Variants in LOXHD1 observed in about 807,000 individuals in gnomAD.
The protein encoded by LOXHD1 is lipoxygenase homology domain-containing protein 1.
In LOXHD1, 205 loss-of-function variants were observed where a neutral mutation model predicts 248.2. The ratio of observed to expected loss-of-function variants is 0.83; its 90% CI spans 0.74 to 0.93. The LOEUF (loss-of-function observed/expected upper bound fraction) is 0.93, where lower values mean the gene tolerates loss of function less well. Ranked by LOEUF, LOXHD1 falls within the 40% of genes least tolerant of loss-of-function variation. The pLI is 0.00. For missense variants in LOXHD1, 2,930 were observed against 2,971.6 expected (o/e 0.99, Z 0.33); for synonymous variants, 1,113 against 1,162.8 (o/e 0.96, Z 0.87).
At position 46,478,334 on chromosome 18, in the gene LOXHD1, C is replaced by T. The variant is rs539324324; in HGVS notation, c.6342-382G>A. 9.2e-5 allele frequency among the ~76,000 whole-genome samples: 14 copies of T among 152,216 alleles called. 1 individual carries two copies. Among genetic ancestry groups the T allele is most frequent in the African/African-American group, 2.6e-4 (11 of 41,534 alleles). ...AAAGTGCTGGGATTACAGGCGTGAG[C>T]CACTGCGCCTGGCCGACCCTATTTT... On this transcript the variant is annotated intron_variant, in intron 40 of 40. Transcript: ENST00000642948.
intron 4 of LOXHD1, among the ~76,000 whole-genome samples, chr18:46,628,908 G>A (rs1167782814): frequency 6.6e-6 from 1 of 152,246 alleles, no homozygotes; most frequent in East Asian, 1.9e-4. Context: ...GCTAGCATAA[G>A]TGGCAGAATG....
chr18:46,577,957 T>C, intron 13 of LOXHD1, 90 bp from the exon 14 acceptor site: 1 of 1,417,486 alleles, frequency 7.1e-7, no homozygotes, highest in Non-Finnish European at 9.7e-7. Flanking sequence ...TATCAGAAAA[T>C]CCAGAGCTGA....
At chr18:46,517,089 G>A (rs1196999808) in intron 34 of LOXHD1, among the ~76,000 whole-genome samples, 1 of 152,190 alleles carries the variant, frequency 6.6e-6, no homozygotes, top group African/African-American at 2.4e-5. Flanking sequence ...GGAGTGCTGT[G>A]TGTTCAGAGG....
chr18:46,566,580 T>C (rs2037647335), intron 16 of LOXHD1, 131 bp from the exon 17 acceptor site: 5 of 806,792 alleles, frequency 6.2e-6, no homozygotes, highest in Middle Eastern at 2.6e-4. Flanking sequence ...GGAAGATCCA[T>C]GGGAAAGCTG....
chr18:46,614,807 C>G (rs1049506220), intron 5 of LOXHD1, among the ~76,000 whole-genome samples: 1 of 151,772 alleles, frequency 6.6e-6, no homozygotes, highest in African/African-American at 2.4e-5. Flanking sequence ...CTTAATTTAT[C>G]AGCCTGATTT....
At position 46,590,102 on chromosome 18, in the gene LOXHD1, A is replaced by G. The variant is rs191534948; in HGVS notation, c.1654+1831T>C. ...GCTGGAGAGCAGCTAGAAAAGTGGC[A>G]AATGCATTAACACAGTGGTTCTCAA... is the stretch of plus-strand genomic sequence containing the variant. On this transcript the variant is annotated intron_variant, in intron 12 of 40. Transcript: ENST00000642948. Among the ~76,000 whole-genome samples, 151 of 152,338 alleles carry G rather than the reference A, an allele frequency of 9.9e-4. 1 individual carries two copies. The highest frequency in any genetic ancestry group is 3.2e-3 in the African/African-American group (133 of 41,566).
chr18:46,560,653 C>G, intron 18 of LOXHD1, 108 bp from the exon 19 acceptor site: 1 of 1,069,814 alleles, frequency 9.3e-7, no homozygotes, highest in Non-Finnish European at 1.3e-6. Context: ...TGCTAAGCTG[C>G]AGGATGGAGA....
rs145080479 is a variant in LOXHD1 at position 46,548,828 on chromosome 18, G to A, written c.3351-1770C>T. Reference sequence around the variant, plus strand: ...ACAGAAAAGGTACAAGCCCTCCCATGCATACAAAGAGAAAATGCACACAGA... The same window carrying A: ...ACAGAAAAGGTACAAGCCCTCCCATACATACAAAGAGAAAATGCACACAGA... On this transcript the variant is annotated intron_variant, in intron 21 of 40. Transcript: ENST00000642948. Among the ~76,000 whole-genome samples, 412 of 152,266 alleles carry A rather than the reference G, an allele frequency of 2.7e-3. 1 individual carries two copies. Among genetic ancestry groups the A allele is most frequent in the African/African-American group, 9.5e-3 (396 of 41,558 alleles).
intron 37 of LOXHD1, among the ~76,000 whole-genome samples, chr18:46,491,836 AC>A (rs1407075803): frequency 6.6e-6 from 1 of 152,210 alleles, no homozygotes; most frequent in Non-Finnish European, 1.5e-5. Flanking sequence ...GATGAAGACA[AC>A]CAGAATAGGA....
intron 16 of LOXHD1, among the ~76,000 whole-genome samples, chr18:46,568,129 T>C (rs2144072881): frequency 6.6e-6 from 1 of 152,268 alleles, no homozygotes; most frequent in Non-Finnish European, 1.5e-5. Flanking sequence ...TGAGTTTTGA[T>C]GGGAGAAGAG....
chr18:46,592,616 C>T (rs1453312214), intron 10 of LOXHD1, 32 bp from the exon 11 acceptor site: 1 of 1,509,974 alleles, frequency 6.6e-7, no homozygotes, highest in South Asian at 1.2e-5. Flanking sequence ...TTTGAGTGGG[C>T]ATAACTGAAG....
At chr18:46,555,193 C>T (rs899118051) in intron 21 of LOXHD1, 1 of 470,674 alleles carries the variant, frequency 2.1e-6, no homozygotes, top group Admixed American at 2.4e-5. Context: ...TTCTGTGGCA[C>T]TTTTTCCTTT....
intron 12 of LOXHD1, 100 bp from the exon 13 acceptor site, chr18:46,579,884 T>C (rs2037931075): frequency 2.2e-6 from 3 of 1,393,698 alleles, no homozygotes; most frequent in Admixed American, 4.6e-5. Flanking sequence ...CCTCTCCTTC[T>C]AGTTCTCATC....
intron 26 of LOXHD1, 30 bp from the exon 27 acceptor site, chr18:46,534,481 T>C (rs2036218236): frequency 2.7e-6 from 4 of 1,505,422 alleles, no homozygotes; most frequent in Non-Finnish European, 1.8e-6. Context: ...CACTGAATGT[T>C]AGCTGAAAGA....
intron 25 of LOXHD1, among the ~76,000 whole-genome samples, chr18:46,538,613 G>A (rs2036424471): frequency 6.6e-6 from 1 of 152,182 alleles, no homozygotes; most frequent in Non-Finnish European, 1.5e-5. Flanking sequence ...CAGACTGGTT[G>A]AAAGCACAGG....
Position 46,592,505 on chromosome 18 carries a change from A to G in LOXHD1, c.1511T>C (p.Leu504Ser). ...DKRSSGSGWHLERMTLMNTLN... is the reference protein window; with the variant it reads ...DKRSSGSGWHSERMTLMNTLN... ...CAAGATGGTGCATCTCACCCTTTCT[A>G]AATGCCATCCAGAACCAGAACTCCT... The change falls in exon 11 of 41, where the codon TTA becomes TCA. Residue 504 changes from leucine to serine, a missense_variant. Transcript: ENST00000642948. 2 of 1,551,298 alleles carry G rather than the reference A, an allele frequency of 1.3e-6. No individual in the cohort carries two copies. Among genetic ancestry groups the G allele is most frequent in the Non-Finnish European group, 1.7e-6 (2 of 1,146,690 alleles).
At chr18:46,516,093 T>C (rs904130650) in intron 34 of LOXHD1, among the ~76,000 whole-genome samples, 1 of 152,234 alleles carries the variant, frequency 6.6e-6, no homozygotes, top group Non-Finnish European at 1.5e-5. Context: ...TGTAGCAAGC[T>C]CTAAGTAGAG....
intron 31 of LOXHD1, 32 bp from the exon 32 acceptor site, chr18:46,522,341 C>G (rs1421745518): frequency 3.3e-6 from 5 of 1,529,948 alleles, no homozygotes; most frequent in Non-Finnish European, 4.4e-6. Context: ...AGGTTCATAA[C>G]AGACCAGATA....
chr18:46,601,267 A>G lies in LOXHD1; in HGVS notation c.1084T>C (p.Ser362Pro). The G allele has an allele frequency of 6.4e-7, 1 of 1,551,736 alleles. No individual in the cohort carries two copies. The highest frequency in any genetic ancestry group is 8.7e-7 in the Non-Finnish European group (1 of 1,147,000). Residue 362 changes from serine to proline, a missense_variant, in exon 8 of 41, where the codon TCC becomes CCC. Ser to Pro is a moderately conservative substitution (Grantham distance 74). Transcript: ENST00000642948. Reference protein sequence around the residue: ...AVLLSPLSRVSVGHGNVGVNR... With the variant: ...AVLLSPLSRVPVGHGNVGVNR... The stretch of plus-strand genomic sequence containing the variant: ...ACACCCACATTGCCATGCCCGACGG[A>G]GACCCGACTCAGGGGGCTAAGGAGG...
Sources: gnomAD v4.1 joint callset for allele counts (sites outside exome capture counted in the v4.1 genomes callset) on GRCh38, gnomAD v4.1.1 for gene constraint, MANE v1.5 for transcripts, NCBI Gene and HGNC (gene_info 2026-07-23, HGNC 2026-07-21) for gene names.